Variants in PATJ observed in about 807,000 individuals in gnomAD.
PATJ encodes the protein inaD-like protein.
PATJ carries 190 observed loss-of-function variants against 224.9 expected under a neutral mutation model. That is an observed-to-expected ratio of 0.84 (90% CI 0.75 to 0.95). PATJ has a LOEUF of 0.95. PATJ is among the 40% of genes least tolerant of loss of function. The pLI is 0.00. For missense variants in PATJ, 2,121 were observed against 2,270.3 expected, an observed-to-expected ratio of 0.93 and a Z score of 1.34; for synonymous variants, 769 against 820.3, an observed-to-expected ratio of 0.94 and a Z score of 1.07.
chr1:61,938,217 C>G (rs1677187910), intron 27 of PATJ, among the ~76,000 whole-genome samples: 1 of 152,068 alleles, frequency 6.6e-6, no homozygotes. Flanking sequence ...CCAAGTGGCC[C>G]CTGGTCTAAG....
intron 27 of PATJ, among the ~76,000 whole-genome samples, chr1:61,973,505 C>T (rs1683249276): frequency 6.6e-6 from 1 of 151,972 alleles, no homozygotes; most frequent in Admixed American, 6.5e-5. Context: ...CCTTTAATTA[C>T]TGAAAACTAC....
rs911849418 is a variant in PATJ, at chr1:62,018,579, C to T, written c.3959+632C>T. Among the ~76,000 whole-genome samples the T allele has an allele frequency of 2.0e-5, 3 of 152,178 alleles. No homozygotes were observed. Among genetic ancestry groups the T allele is most frequent in the Admixed American group, 1.3e-4 (2 of 15,272 alleles). Reference sequence around the variant, plus strand: ...GATTCTCTTTACTGGACTGAAATGACAAGTAAATCTGAATTACTTTTAGGT... The same window carrying T: ...GATTCTCTTTACTGGACTGAAATGATAAGTAAATCTGAATTACTTTTAGGT... On this transcript the variant is annotated intron_variant, in intron 29 of 43. Transcript: ENST00000642238. The surrounding 1 kb of genome is among the most constrained non-coding windows in gnomAD (Gnocchi z 4.2).
chr1:61,780,379 T>C (rs534790868), intron 7 of PATJ, among the ~76,000 whole-genome samples: 31 of 152,156 alleles, frequency 2.0e-4, no homozygotes, highest in Middle Eastern at 3.4e-3. Flanking sequence ...GCATGAGAAT[T>C]GCTTGAACCT....
intron 6 of PATJ, among the ~76,000 whole-genome samples, chr1:61,774,935 T>G (rs1233768275): frequency 6.6e-6 from 1 of 152,226 alleles, no homozygotes; most frequent in African/African-American, 2.4e-5. Flanking sequence ...TTTCCTGTGC[T>G]CTTAGGGCTA....
chr1:61,815,675 C>A (rs914529335), intron 14 of PATJ, among the ~76,000 whole-genome samples: 8 of 152,054 alleles, frequency 5.3e-5, no homozygotes, highest in Middle Eastern at 6.8e-3. Flanking sequence ...CAGAGGGAGA[C>A]CCTGTCTCTA....
chr1:61,911,695 T>TTATATATATATATA (rs141530445), intron 25 of PATJ, among the ~76,000 whole-genome samples: 57 of 140,600 alleles, frequency 4.1e-4, no homozygotes, highest in African/African-American at 1.4e-3. Flanking sequence ...CTATATATTT[T>TTATATATATATATA]TATATATATA....
At position 62,099,347 on chromosome 1, in the gene PATJ, C is replaced by CTTTTTTTTTTTTTTTTTT. The variant is rs71050197; in HGVS notation, c.4378-9077_4378-9060dup. On this transcript the variant is annotated intron_variant, in intron 33 of 43. Coordinates refer to ENST00000642238, the MANE Select transcript of PATJ (RefSeq NM_001350145.3). ...ATTTTTTTGTATACAATATCTCCAA[C>CTTTTTTTTTTTTTTTTTT]TTTTTTTTTTTTTTTTTTTTTTTTT... Among the ~76,000 whole-genome samples, 13 of 55,676 alleles carry CTTTTTTTTTTTTTTTTTT rather than the reference C, an allele frequency of 2.3e-4. 1 individual carries two copies. Among genetic ancestry groups the CTTTTTTTTTTTTTTTTTT allele is most frequent in the African/African-American group, 7.8e-4 (10 of 12,842 alleles). 36.5% of individuals were successfully genotyped at this position (55,676 alleles called of 152,430 possible). A position where few individuals can be genotyped will look rare whatever the true frequency, so the allele number is the denominator to read the frequency against.
intron 7 of PATJ, among the ~76,000 whole-genome samples, chr1:61,781,892 C>T (rs961302512): frequency 6.6e-6 from 1 of 152,198 alleles, no homozygotes; most frequent in Non-Finnish European, 1.5e-5. Flanking sequence ...AGTCCGCTCC[C>T]CATGGAGTCA....
intron 20 of PATJ, among the ~76,000 whole-genome samples, chr1:61,871,220 A>AT (rs1203115569): frequency 6.9e-6 from 1 of 144,560 alleles, no homozygotes; most frequent in African/African-American, 2.5e-5. Context: ...TTTATTTTTT[A>AT]TTTTTTTTGA....
At chr1:61,782,721 C>T (rs1647598005) in intron 7 of PATJ, among the ~76,000 whole-genome samples, 1 of 152,162 alleles carries the variant, frequency 6.6e-6, no homozygotes, top group African/African-American at 2.4e-5. Flanking sequence ...AGCCTCAGAG[C>T]CTCTCCAAAA....
intron 31 of PATJ, among the ~76,000 whole-genome samples, chr1:62,063,100 G>A (rs183737823): frequency 6.6e-6 from 1 of 152,144 alleles, no homozygotes; most frequent in Non-Finnish European, 1.5e-5. Flanking sequence ...GTACAGAAGG[G>A]CATTTCCTAG....
intron 40 of PATJ, chr1:62,128,392 G>A: frequency 3.1e-6 from 1 of 319,276 alleles, no homozygotes; most frequent in East Asian, 5.9e-5. Flanking sequence ...TCAACTGAGA[G>A]ACATTTGACC....
At chr1:61,880,606 CA>C (rs559433243) in intron 21 of PATJ, among the ~76,000 whole-genome samples, 349 of 152,260 alleles carry the variant, frequency 2.3e-3, no homozygotes, top group African/African-American at 8.1e-3. Flanking sequence ...TAGATGTCCA[CA>C]ATCTTGATAA....
intron 31 of PATJ, among the ~76,000 whole-genome samples, chr1:62,062,490 C>CTTT (rs139480388): frequency 5.6e-5 from 2 of 35,770 alleles, no homozygotes; most frequent in African/African-American, 1.2e-4. Flanking sequence ...CCACAGCAAC[C>CTTT]TTTTTTTTTT....
intron 12 of PATJ, among the ~76,000 whole-genome samples, chr1:61,802,013 T>A (rs1652631918): frequency 6.6e-6 from 1 of 151,870 alleles, no homozygotes; most frequent in Non-Finnish European, 1.5e-5. Context: ...TGTATACATG[T>A]GCAATGTTAG....
intron 1 of PATJ, among the ~76,000 whole-genome samples, chr1:61,744,829 G>A (rs978601088): frequency 1.3e-5 from 2 of 152,100 alleles, no homozygotes; most frequent in Non-Finnish European, 2.9e-5. Flanking sequence ...GTTTTACCCC[G>A]GCTTCTGACT....
In PATJ at chr1:62,127,979, G is replaced by A. The variant is rs1321143313; in HGVS notation, c.5051G>A (p.Ser1684Asn). 2 of 1,613,958 alleles carry A rather than the reference G, an allele frequency of 1.2e-6. No homozygotes were observed. Among genetic ancestry groups the A allele is most frequent in the Non-Finnish European group, 1.7e-6 (2 of 1,179,846 alleles). The change falls in exon 40 of 44, where the codon AGT (serine) becomes AAT (asparagine). Residue 1684 changes from serine (S) to asparagine (N), a missense_variant. Ser to Asn is a conservative substitution (Grantham distance 46). Coordinates refer to ENST00000642238, the MANE Select transcript of PATJ (RefSeq NM_001350145.3). ...PRTVEINREL[S>N]DALGISIAGG... ...GTTTTCTTCCTTTTTTAGGAGCTCA[G>A]TGATGCCCTTGGAATCAGTATTGCT...
intron 14 of PATJ, among the ~76,000 whole-genome samples, chr1:61,819,266 C>T (rs1175760183): frequency 1.3e-5 from 2 of 152,140 alleles, no homozygotes; most frequent in Admixed American, 1.3e-4. Flanking sequence ...CAATTAGTAA[C>T]TGCTTGTTTG....
intron 7 of PATJ, among the ~76,000 whole-genome samples, chr1:61,784,444 T>C (rs1648060108): frequency 6.6e-6 from 1 of 152,250 alleles, no homozygotes; most frequent in Non-Finnish European, 1.5e-5. Context: ...CTAATGACTA[T>C]TTTTGTACTT....
Sources: gnomAD v4.1 joint callset for allele counts (sites outside exome capture counted in the v4.1 genomes callset) on GRCh38, gnomAD v4.1.1 for gene constraint, Gnocchi (gnomAD v3.1) non-coding constraint, MANE v1.5 for transcripts, NCBI Gene and HGNC (gene_info 2026-07-23, HGNC 2026-07-21) for gene names.